The following ALDH1A1 variants were observed in gnomAD, a reference collection of about 807,000 sequenced individuals.
ALDH1A1 encodes the protein aldehyde dehydrogenase 1 family member A1, also known as aldehyde dehydrogenase 1A1.
Under a neutral mutation model 62.1 loss-of-function variants are expected in ALDH1A1, and 19 were observed. The ratio of observed to expected loss-of-function variants is 0.31; its 90% confidence interval spans 0.21 to 0.45. The LOEUF is 0.45. ALDH1A1 is among the 20% of genes least tolerant of loss of function. The pLI is 1.00. For synonymous variants in ALDH1A1, 231 were observed against 215.9 expected, an observed-to-expected ratio of 1.07 and a Z score of -0.61; for missense variants, 521 against 607.1, an observed-to-expected ratio of 0.86 and a Z score of 1.49.
intron 1 of ALDH1A1, among the ~76,000 whole-genome samples, chr9:72,943,676 T>C (rs1393460159): frequency 2.0e-5 from 3 of 152,154 alleles, no homozygotes; most frequent in African/African-American, 7.2e-5. Flanking sequence ...TAACTTTTGC[T>C]TTATCAGAAA....
At chr9:72,909,286 A>C (rs1243937701) in intron 11 of ALDH1A1, among the ~76,000 whole-genome samples, 1 of 148,066 alleles carries the variant, frequency 6.8e-6, no homozygotes, top group African/African-American at 2.5e-5. Flanking sequence ...CTCATCCTCC[A>C]TGTAGCTGGG....
intron 2 of ALDH1A1, among the ~76,000 whole-genome samples, chr9:72,932,481 A>C (rs1830294774): frequency 1.3e-5 from 2 of 152,216 alleles, no homozygotes; most frequent in African/African-American, 4.8e-5. Flanking sequence ...GAGATATTTT[A>C]GAAGCACAAT....
intron 1 of ALDH1A1, among the ~76,000 whole-genome samples, chr9:72,946,037 G>A (rs1830469944): frequency 6.6e-6 from 1 of 151,914 alleles, no homozygotes; most frequent in Non-Finnish European, 1.5e-5. Context: ...GAGAAAAGAT[G>A]CCACAGCATT....
intron 12 of ALDH1A1, among the ~76,000 whole-genome samples, chr9:72,902,008 A>G (rs1829811169): frequency 1.3e-5 from 2 of 152,046 alleles, no homozygotes; most frequent in South Asian, 2.1e-4. Flanking sequence ...AAGATGATAG[A>G]TTGGTCTAAA....
chr9:72,906,705 C>T (rs1359183549), intron 11 of ALDH1A1, among the ~76,000 whole-genome samples: 1 of 152,042 alleles, frequency 6.6e-6, no homozygotes. Flanking sequence ...GTTTTGCAGA[C>T]CATAAACAAT....
chr9:72,938,761 T>A (rs74472847), intron 2 of ALDH1A1, among the ~76,000 whole-genome samples: 1 of 150,874 alleles, frequency 6.6e-6, no homozygotes, highest in Non-Finnish European at 1.5e-5. Flanking sequence ...TTTTTTTTTT[T>A]AATGGAGCTT....
chr9:72,902,205 A>G (rs1004181510), intron 12 of ALDH1A1, among the ~76,000 whole-genome samples: 1 of 152,026 alleles, frequency 6.6e-6, no homozygotes, highest in Non-Finnish European at 1.5e-5. Context: ...TTAGAAACTG[A>G]CTGATTTACC....
At chr9:72,909,791 A>G in intron 10 of ALDH1A1, 32 bp from the exon 11 acceptor site, 3 of 1,528,582 alleles carry the variant, frequency 2.0e-6, no homozygotes, top group Non-Finnish European at 2.7e-6. Flanking sequence ...AGTAAAAATA[A>G]TAGGTTAAAA....
chr9:72,939,599 C>A (rs1402617523), intron 2 of ALDH1A1, among the ~76,000 whole-genome samples: 3 of 150,044 alleles, frequency 2.0e-5, no homozygotes, highest in African/African-American at 7.4e-5. Flanking sequence ...CTCACTGCAA[C>A]CTCTGCCTCA....
intron 2 of ALDH1A1, 126 bp from the exon 3 acceptor site, chr9:72,931,145 G>T: frequency 2.0e-6 from 2 of 999,458 alleles, no homozygotes; most frequent in Non-Finnish European, 2.9e-6. Context: ...TTATCCCAAA[G>T]TCTAACACAT....
At chr9:72,938,113 A>G (rs1399752436) in intron 2 of ALDH1A1, among the ~76,000 whole-genome samples, 3 of 152,128 alleles carry the variant, frequency 2.0e-5, no homozygotes, top group African/African-American at 7.2e-5. Context: ...GGGCTAAAGT[A>G]ATGGAAAAGA....
At chr9:72,915,767 C>G (rs1830054306) in intron 9 of ALDH1A1, among the ~76,000 whole-genome samples, 1 of 152,154 alleles carries the variant, frequency 6.6e-6, no homozygotes, top group Admixed American at 6.5e-5. Flanking sequence ...ACTGTAAACT[C>G]CATGAGGTCC....
intron 12 of ALDH1A1, among the ~76,000 whole-genome samples, chr9:72,904,774 C>T (rs1024293554): frequency 2.8e-4 from 43 of 151,858 alleles, no homozygotes; most frequent in Admixed American, 2.8e-3. Flanking sequence ...CAATACTTTG[C>T]TCGGTACTTT....
intron 7 of ALDH1A1, 129 bp from the exon 8 acceptor site, chr9:72,918,951 T>G (rs1195282478): frequency 3.2e-6 from 2 of 625,762 alleles, no homozygotes; most frequent in African/African-American, 3.7e-5. Context: ...CAAATGGCTT[T>G]TTTTTTTGAG....
rs995492122 is a variant in ALDH1A1, at chr9:72,901,005, G to A, written c.*203C>T. The A allele has an allele frequency of 2.9e-5, 13 of 443,128 alleles. No individual in the cohort carries two copies. The highest frequency in any genetic ancestry group is 2.6e-4 in the African/African-American group (13 of 50,854). 27.4% of individuals were successfully genotyped at this position (443,128 alleles called of 1,614,324 possible). On this transcript the variant is annotated 3_prime_UTR_variant, in exon 13 of 13. Transcript: ENST00000297785. ...CTTTTTTTATTTAGGATAGGACTTG[G>A]GGGTCACATTTCAGAAGGCAAATAA...
Position 72,938,515 on chromosome 9 carries a change from C to T in ALDH1A1, c.171+1633G>A, listed in dbSNP as rs1588143216. On this transcript the variant is annotated intron_variant, in intron 2 of 12. Coordinates refer to ENST00000297785, the MANE Select transcript of ALDH1A1 (RefSeq NM_000689.5). The stretch of plus-strand genomic sequence containing the variant: ...CAGCTGGACTGCAATGATGCGATCT[C>T]GGCTCACTGCAAGCTCTGCCTCCCG... Among the ~76,000 whole-genome samples the T allele has an allele frequency of 3.9e-5, 6 of 152,216 alleles. No individual in the cohort carries two copies. The East Asian group carries it at 1.2e-3, about 29-fold the overall frequency.
chr9:72,950,162 C>T (rs183882108), intron 1 of ALDH1A1, among the ~76,000 whole-genome samples: 256 of 151,976 alleles, frequency 1.7e-3, no homozygotes, highest in African/African-American at 5.9e-3. Context: ...TTCCCATGTC[C>T]AGGCATTATT....
At chr9:72,950,621 T>C (rs1588147580) in intron 1 of ALDH1A1, among the ~76,000 whole-genome samples, 1 of 151,998 alleles carries the variant, frequency 6.6e-6, no homozygotes, top group South Asian at 2.1e-4. Flanking sequence ...TGAGAGTATG[T>C]AGCTTTTCTA....
intron 10 of ALDH1A1, among the ~76,000 whole-genome samples, chr9:72,910,993 A>G (rs1254221403): frequency 6.6e-6 from 1 of 152,170 alleles, no homozygotes; most frequent in African/African-American, 2.4e-5. Context: ...AACACAATAA[A>G]TGTTTCCTTA....
Sources: allele counts gnomAD v4.1 joint callset (sites outside exome capture counted in the v4.1 genomes callset), GRCh38; gene constraint gnomAD v4.1.1; transcripts MANE v1.5; gene names NCBI Gene and HGNC (gene_info 2026-07-23, HGNC 2026-07-21).